TTF2: variants seen among roughly 807,000 people sequenced by gnomAD.
The protein encoded by TTF2 is transcription termination factor 2.
In TTF2, 108 loss-of-function variants were observed where a neutral mutation model predicts 142.4. The ratio of observed to expected loss-of-function variants is 0.76; its 90% confidence interval spans 0.65 to 0.89. The LOEUF (loss-of-function observed/expected upper bound fraction) is 0.89. Ranked by LOEUF, TTF2 falls within the 40% of genes least tolerant of loss-of-function variation. The probability of loss-of-function intolerance (pLI) is 0.00; values close to 1 mark genes in which losing one functional copy is unlikely to be tolerated. For synonymous variants in TTF2, 483 were observed against 506.2 expected, an observed-to-expected ratio of 0.95 and a Z score of 0.61; for missense variants, 1,327 against 1,379.8, an observed-to-expected ratio of 0.96 and a Z score of 0.61.
At chr1:117,083,971 G>C in intron 10 of TTF2, 47 bp from the exon 11 acceptor site, 1 of 1,606,952 alleles carries the variant, frequency 6.2e-7, no homozygotes. Context: ...AAAGTTAAAA[G>C]CCATTTGGTG....
At chr1:117,096,119 G>A (rs1166123912) in intron 19 of TTF2, 30 bp from the exon 20 acceptor site, 1 of 1,612,624 alleles carries the variant, frequency 6.2e-7, no homozygotes, top group Admixed American at 1.7e-5. Flanking sequence ...TCTATGTTAG[G>A]GTATTTTTTT....
Position 117,060,570 on chromosome 1 carries a change from C to G in TTF2, c.131+13C>G, listed in dbSNP as rs758288576. The G allele has an allele frequency of 6.3e-7, 1 of 1,592,228 alleles. No homozygotes were observed. Among genetic ancestry groups the G allele is most frequent in the Non-Finnish European group, 8.6e-7 (1 of 1,169,074 alleles). ...TGCGGGCCACCGAGTAGGTCTGGAG[C>G]TGGGCCCCACTCCCTGTGGCTGCCC... On this transcript the variant is annotated intron_variant, in intron 2 of 22. Transcript: ENST00000369466.
At position 117,095,374 on chromosome 1, in the gene TTF2, G is replaced by T. The variant is rs1385332687; in HGVS notation, c.3035+7G>T. On this transcript the variant is annotated splice_region_variant and intron_variant, in intron 19 of 22. Transcript: ENST00000369466. ...ATTCAGCATCCCAAAAGAGGTAACTGCGTTTTCTCATTATCCAAGTATTGG... is the reference window on the plus strand; with the variant it reads ...ATTCAGCATCCCAAAAGAGGTAACTTCGTTTTCTCATTATCCAAGTATTGG... The T allele has an allele frequency of 6.2e-7, 1 of 1,613,624 alleles. No individual in the cohort carries two copies. The highest frequency in any genetic ancestry group is 1.3e-5 in the African/African-American group (1 of 74,902).
intron 3 of TTF2, among the ~76,000 whole-genome samples, chr1:117,067,833 T>G (rs547263719): frequency 6.6e-6 from 1 of 152,370 alleles, no homozygotes; most frequent in East Asian, 1.9e-4. Context: ...ACTATTATGT[T>G]TGGCTGAATG....
At position 117,076,309 on chromosome 1, in the gene TTF2, G is replaced by C; in HGVS notation, c.1390+15G>C. The C allele has an allele frequency of 6.2e-7, 1 of 1,600,614 alleles. No individual in the cohort carries two copies. The highest frequency in any genetic ancestry group is 8.5e-7 in the Non-Finnish European group (1 of 1,169,992). The stretch of plus-strand genomic sequence containing the variant: ...CCCAGAGCAAGGTAAAGTGGCTTAT[G>C]CCTCAGAACTCCGGGTTTGCATCGA... On this transcript the variant is annotated intron_variant, in intron 6 of 22. Transcript: ENST00000369466. This position sits in a 1 kb window ranked among gnomAD's most constrained non-coding sequence, Gnocchi z 4.6.
In TTF2 at chr1:117,086,337, T is replaced by A. The variant is rs1213503081; in HGVS notation, c.2055-80T>A. ...TTGTCCTTCCATTTGTAGGCATTTT[T>A]ATTGAAAGATCAACTCTGCCTCTCT... is the stretch of plus-strand genomic sequence containing the variant. On this transcript the variant is annotated intron_variant, in intron 11 of 22. Coordinates refer to ENST00000369466, the MANE Select transcript of TTF2 (RefSeq NM_003594.4). The surrounding 1 kb of genome is among the most constrained non-coding windows in gnomAD (Gnocchi z 4.2). 2.9e-6 allele frequency: 3 copies of A among 1,032,862 alleles called. No homozygotes were observed. 64.0% of individuals were successfully genotyped at this position (1,032,862 alleles called of 1,614,324 possible).
rs975881393 is a variant in TTF2, at chr1:117,070,332, A to G, written c.219-3329A>G. On this transcript the variant is annotated intron_variant, in intron 3 of 22. Coordinates refer to ENST00000369466, the MANE Select transcript of TTF2 (RefSeq NM_003594.4). The surrounding 1 kb of genome is among the most constrained non-coding windows in gnomAD (Gnocchi z 4.2). ...GTGAACTTACACAAACCTACTTGGT[A>G]TAGCCTAATACATACCTAGGTTACA... Among the ~76,000 whole-genome samples, 2 of 152,270 alleles carry G rather than the reference A, an allele frequency of 1.3e-5. No homozygotes were observed. Among genetic ancestry groups the G allele is most frequent in the African/African-American group, 4.8e-5 (2 of 41,472 alleles).
chr1:117,060,975 T>A (rs1655632380), intron 2 of TTF2, among the ~76,000 whole-genome samples: 1 of 152,076 alleles, frequency 6.6e-6, no homozygotes, highest in African/African-American at 2.4e-5. Context: ...GGCCCGACGG[T>A]TTTTTTTAAA....
At position 117,096,303 on chromosome 1, in the gene TTF2, CA is replaced by C. The variant is rs1649141842; in HGVS notation, c.3186+6del. On this transcript the variant is annotated splice_donor_5th_base_variant and intron_variant, in intron 20 of 22. Transcript: ENST00000369466. ...TAACCACTCCAGAGGCCCTCAGGTA[CA>C]AGCTGGTCACATCAGAGCCGCATAA... 1 of 1,613,958 alleles carries C rather than the reference CA, an allele frequency of 6.2e-7. No individual in the cohort carries two copies. Among genetic ancestry groups the C allele is most frequent in the Non-Finnish European group, 8.5e-7 (1 of 1,179,948 alleles).
intron 3 of TTF2, among the ~76,000 whole-genome samples, chr1:117,071,074 A>C (rs1656534691): frequency 1.3e-5 from 2 of 152,248 alleles, no homozygotes; most frequent in South Asian, 4.1e-4. Context: ...AGAAAGCAGC[A>C]TATAGATAAC....
rs1221329361 is a variant in TTF2, at chr1:117,092,870, A to G, written c.2945A>G (p.Glu982Gly). Residue 982 changes from glutamate (E) to glycine (G), a missense_variant, in exon 18 of 23, where the codon GAG becomes GGG. Glu to Gly is a moderately conservative substitution (Grantham distance 98). Coordinates refer to ENST00000369466, the MANE Select transcript of TTF2 (RefSeq NM_003594.4). The surrounding 1 kb of genome is among the most constrained non-coding windows in gnomAD (Gnocchi z 4.4). ...CTTAACGGCACCTTCTTCAAGATGG[A>G]GCTTTTTGAAGGCATGCGAGAGAGC... ...VSLNGTFFKMELFEGMRESTK... is the reference protein window; with the variant it reads ...VSLNGTFFKMGLFEGMRESTK... 1 of 1,614,024 alleles carries G rather than the reference A, an allele frequency of 6.2e-7. No individual in the cohort carries two copies. Among genetic ancestry groups the G allele is most frequent in the African/African-American group, 1.3e-5 (1 of 74,898 alleles).
In TTF2 at chr1:117,096,756, A is replaced by C. The variant is rs531279763; in HGVS notation, c.3186+457A>C. 1.5e-4 allele frequency among the ~76,000 whole-genome samples: 23 copies of C among 152,368 alleles called. No individual in the cohort carries two copies. The East Asian group carries it at 4.0e-3, about 27-fold the overall frequency. ...TCCGAGTGTTTAGAATTTATTAGAC[A>C]TGTATTGGGATACTTTTAAAGAGCA... On this transcript the variant is annotated intron_variant, in intron 20 of 22. Transcript: ENST00000369466.
rs371494403 is a variant in TTF2 at position 117,097,445 on chromosome 1, G to C, written c.3269+12G>C. Reference sequence around the variant, plus strand: ...TTGGACATGCACTGGTAATGATTCCGGATTTGTCCTGGGTTGTCACAGCAC... The same window carrying C: ...TTGGACATGCACTGGTAATGATTCCCGATTTGTCCTGGGTTGTCACAGCAC... On this transcript the variant is annotated intron_variant, in intron 21 of 22. Transcript: ENST00000369466. This position sits in a 1 kb window ranked among gnomAD's most constrained non-coding sequence, Gnocchi z 4.1. The C allele has an allele frequency of 3.1e-6, 5 of 1,613,826 alleles. No homozygotes were observed. The African/African-American group carries it at 6.7e-5, about 22-fold the overall frequency.
intron 10 of TTF2, among the ~76,000 whole-genome samples, chr1:117,082,356 G>A (rs1647598453): frequency 6.6e-6 from 1 of 152,086 alleles, no homozygotes; most frequent in African/African-American, 2.4e-5. Flanking sequence ...GGGACCACAA[G>A]TTTGCACCAC....
rs1570850374 is a variant in TTF2 at position 117,086,590 on chromosome 1, G to T, written c.2160+68G>T. 2 of 1,158,108 alleles carry T rather than the reference G, an allele frequency of 1.7e-6. No homozygotes were observed. The allele number at this position is 1,158,108 out of a possible 1,614,324, so 71.7% of individuals were successfully genotyped here. A position where few individuals can be genotyped will look rare whatever the true frequency, so the allele number is the denominator to read the frequency against. On this transcript the variant is annotated intron_variant, in intron 12 of 22. Coordinates refer to ENST00000369466, the MANE Select transcript of TTF2 (RefSeq NM_003594.4). The surrounding 1 kb of genome is among the most constrained non-coding windows in gnomAD (Gnocchi z 4.2). Reference sequence around the variant, plus strand: ...GATGGTTTAATGGGAGTCTTTCTCAGCCTCCACGATAGCAAGAGGACCTCC... The same window carrying T: ...GATGGTTTAATGGGAGTCTTTCTCATCCTCCACGATAGCAAGAGGACCTCC...
At position 117,073,872 on chromosome 1, in the gene TTF2, C is replaced by T; in HGVS notation, c.285+145C>T. 2 of 596,614 alleles carry T rather than the reference C, an allele frequency of 3.4e-6. No homozygotes were observed. Among genetic ancestry groups the T allele is most frequent in the Non-Finnish European group, 5.5e-6 (2 of 366,570 alleles). 37.0% of individuals were successfully genotyped at this position (596,614 alleles called of 1,614,324 possible). A position where few individuals can be genotyped will look rare whatever the true frequency, so the allele number is the denominator to read the frequency against. On this transcript the variant is annotated intron_variant, in intron 4 of 22. Coordinates refer to ENST00000369466, the MANE Select transcript of TTF2 (RefSeq NM_003594.4). This position sits in a 1 kb window ranked among gnomAD's most constrained non-coding sequence, Gnocchi z 4.4. ...GATAGTTTTCTTTAAGCAAGGTAGG[C>T]CCTGTTGGGACTTTTATTCAAAGGA... is the stretch of plus-strand genomic sequence containing the variant.
Position 117,075,924 on chromosome 1 carries a change from T to C in TTF2, c.1275+65T>C. ...TTGCTTGTTATGGGCAGATATGAGA[T>C]CTCATTGCTACAGAAGGGTTAAATA... On this transcript the variant is annotated intron_variant, in intron 5 of 22. Coordinates refer to ENST00000369466, the MANE Select transcript of TTF2 (RefSeq NM_003594.4). The surrounding 1 kb of genome is among the most constrained non-coding windows in gnomAD (Gnocchi z 4.5). 1 of 1,529,644 alleles carries C rather than the reference T, an allele frequency of 6.5e-7. No homozygotes were observed. The highest frequency in any genetic ancestry group is 8.7e-7 in the Non-Finnish European group (1 of 1,145,868). The allele number at this position is 1,529,644 out of a possible 1,614,324, so 94.8% of individuals were successfully genotyped here. A position where few individuals can be genotyped will look rare whatever the true frequency, so the allele number is the denominator to read the frequency against.
intron 2 of TTF2, 96 bp downstream of exon 2, chr1:117,060,653 G>A (rs1450076965): frequency 6.4e-6 from 8 of 1,258,240 alleles, no homozygotes; most frequent in Non-Finnish European, 8.7e-6. Context: ...GGGCCGAGGA[G>A]TGGTGGGGCC....
rs780313913 is a variant in TTF2 at position 117,097,471 on chromosome 1, A to G, written c.3269+38A>G. 1.9e-6 allele frequency: 3 copies of G among 1,597,348 alleles called. No individual in the cohort carries two copies. Among genetic ancestry groups the G allele is most frequent in the East Asian group, 4.5e-5 (2 of 44,810 alleles). On this transcript the variant is annotated intron_variant, in intron 21 of 22. Transcript: ENST00000369466. The surrounding 1 kb of genome is among the most constrained non-coding windows in gnomAD (Gnocchi z 4.1). Reference sequence around the variant, plus strand: ...GATTTGTCCTGGGTTGTCACAGCACATCAAGGAGGCCAGTGGGCTACAGGG... The same window carrying G: ...GATTTGTCCTGGGTTGTCACAGCACGTCAAGGAGGCCAGTGGGCTACAGGG...
Sources: allele counts gnomAD v4.1 joint callset (sites outside exome capture counted in the v4.1 genomes callset), GRCh38; gene constraint gnomAD v4.1.1; non-coding constraint Gnocchi (gnomAD v3.1); transcripts MANE v1.5; gene names NCBI Gene and HGNC (gene_info 2026-07-23, HGNC 2026-07-21).